MAP2K5: variants seen among roughly 807,000 people sequenced by gnomAD.
MAP2K5 encodes dual specificity mitogen-activated protein kinase kinase 5.
A neutral mutation model predicts 83.1 loss-of-function variants in MAP2K5; 49 were observed. The observed-to-expected ratio is 0.59, with a 90% CI of 0.47 to 0.75. MAP2K5 has a LOEUF of 0.75. Ranked by LOEUF, MAP2K5 falls within the 30% of genes least tolerant of loss-of-function variation. MAP2K5 has a pLI of 0.00. For missense variants in MAP2K5, 457 were observed against 557.5 expected, an observed-to-expected ratio of 0.82 and a Z score of 1.82; for synonymous variants, 202 against 191.8, an observed-to-expected ratio of 1.05 and a Z score of -0.44.
At chr15:67,560,974 C>A (rs576797158) in intron 2 of MAP2K5, among the ~76,000 whole-genome samples, 1 of 152,192 alleles carries the variant, frequency 6.6e-6, no homozygotes, top group South Asian at 2.1e-4. Flanking sequence ...AGCACTTGCC[C>A]ATCCTATGTG....
rs1167948710 is a variant in MAP2K5 at position 67,775,932 on chromosome 15, G to A, written c.1242+3180G>A. 6.6e-6 allele frequency among the ~76,000 whole-genome samples: 1 copy of A among 152,118 alleles called. No homozygotes were observed. The highest frequency in any genetic ancestry group is 1.5e-5 in the Non-Finnish European group (1 of 68,018). On this transcript the variant is annotated intron_variant, in intron 21 of 21. Coordinates refer to ENST00000178640, the MANE Select transcript of MAP2K5 (RefSeq NM_145160.3). This position sits in a 1 kb window ranked among gnomAD's most constrained non-coding sequence, Gnocchi z 5.3. ...AGGCAACATATTCACCACCAGCTGGGCAATCTCTTAAGACATTCCACTTCT... is the reference window on the plus strand; with the variant it reads ...AGGCAACATATTCACCACCAGCTGGACAATCTCTTAAGACATTCCACTTCT...
In MAP2K5 at chr15:67,573,397, G is replaced by A. The variant is rs1191420286; in HGVS notation, c.253-7357G>A. On this transcript the variant is annotated intron_variant, in intron 3 of 21. Transcript: ENST00000178640. The surrounding 1 kb of genome is among the most constrained non-coding windows in gnomAD (Gnocchi z 4.2). ...ACAGGGTGGCAGGAGAGACAGTTGG[G>A]TAGAGGGTGGGGCGGGAGTTGCCAC... Among the ~76,000 whole-genome samples the A allele has an allele frequency of 6.6e-6, 1 of 152,126 alleles. No individual in the cohort carries two copies. The highest frequency in any genetic ancestry group is 1.9e-4 in the East Asian group (1 of 5,194).
chr15:67,604,509 C>A (rs1376228003), intron 8 of MAP2K5, among the ~76,000 whole-genome samples: 2 of 152,142 alleles, frequency 1.3e-5, no homozygotes, highest in Non-Finnish European at 2.9e-5. Flanking sequence ...AAGTTTGAAT[C>A]CTGCCTCTGT....
chr15:67,715,992 A>G (rs1386743102), intron 16 of MAP2K5, among the ~76,000 whole-genome samples: 1 of 152,186 alleles, frequency 6.6e-6, no homozygotes, highest in African/African-American at 2.4e-5. Flanking sequence ...AGACACAGAT[A>G]TAAGGTTAGA....
At chr15:67,589,106 AG>A (rs1479976596) in intron 6 of MAP2K5, among the ~76,000 whole-genome samples, 1 of 152,180 alleles carries the variant, frequency 6.6e-6, no homozygotes, top group East Asian at 1.9e-4. Context: ...GGCCTCCCAA[AG>A]GGTTGTGATT....
intron 3 of MAP2K5, among the ~76,000 whole-genome samples, chr15:67,567,851 T>C (rs966594047): frequency 3.3e-5 from 5 of 152,214 alleles, no homozygotes; most frequent in Non-Finnish European, 5.9e-5. Context: ...AGCGTGCTGC[T>C]TTTTTCCTTC....
intron 19 of MAP2K5, among the ~76,000 whole-genome samples, chr15:67,754,079 A>G (rs1407128655): frequency 6.6e-6 from 1 of 152,244 alleles, no homozygotes; most frequent in Non-Finnish European, 1.5e-5. Context: ...TGAAATGTCC[A>G]CAATAGGGAA....
At chr15:67,635,188 CTTTT>C (rs35373677) in intron 9 of MAP2K5, among the ~76,000 whole-genome samples, 1 of 141,676 alleles carries the variant, frequency 7.1e-6, no homozygotes. Context: ...AGATATTTAT[CTTTT>C]TTTTTTTTTT....
chr15:67,737,034 T>C (rs568913565), intron 17 of MAP2K5, among the ~76,000 whole-genome samples: 1 of 152,328 alleles, frequency 6.6e-6, no homozygotes, highest in South Asian at 2.1e-4. Context: ...CCACTCACAG[T>C]GCAGTGGTCT....
rs2090358608 is a variant in MAP2K5 at position 67,783,189 on chromosome 15, G to A, written c.1242+10437G>A. Reference sequence around the variant, plus strand: ...CATCCTGCCTGACACCGAGGAGGCAGCATGTCAGCCCCAAGTCCTGACCCC... The same window carrying A: ...CATCCTGCCTGACACCGAGGAGGCAACATGTCAGCCCCAAGTCCTGACCCC... On this transcript the variant is annotated intron_variant, in intron 21 of 21. Coordinates refer to ENST00000178640, the MANE Select transcript of MAP2K5 (RefSeq NM_145160.3). This position sits in a 1 kb window ranked among gnomAD's most constrained non-coding sequence, Gnocchi z 5.1. Among the ~76,000 whole-genome samples, 1 of 152,206 alleles carries A rather than the reference G, an allele frequency of 6.6e-6. No homozygotes were observed. The highest frequency in any genetic ancestry group is 1.5e-5 in the Non-Finnish European group (1 of 68,034).
In MAP2K5 at chr15:67,736,555, A is replaced by T. The variant is rs1170780899; in HGVS notation, c.1074+8610A>T. Among the ~76,000 whole-genome samples, 1 of 152,200 alleles carries T rather than the reference A, an allele frequency of 6.6e-6. No individual in the cohort carries two copies. The highest frequency in any genetic ancestry group is 1.5e-5 in the Non-Finnish European group (1 of 68,030). On this transcript the variant is annotated intron_variant, in intron 17 of 21. Coordinates refer to ENST00000178640, the MANE Select transcript of MAP2K5 (RefSeq NM_145160.3). The surrounding 1 kb of genome is among the most constrained non-coding windows in gnomAD (Gnocchi z 4.3). ...TCTCACACCAGGTAGGACTAAAATG[A>T]ATTATTTTTCTGATCCCACAAGAGC...
chr15:67,575,920 T>TG (rs1596583257), intron 3 of MAP2K5, among the ~76,000 whole-genome samples: 128 of 126,166 alleles, frequency 1.0e-3, no homozygotes, highest in African/African-American at 3.0e-3. Flanking sequence ...TTCTTTCTTT[T>TG]TTTTTTTTTT....
intron 7 of MAP2K5, among the ~76,000 whole-genome samples, chr15:67,596,355 G>A (rs556279138): frequency 3.0e-4 from 45 of 152,108 alleles, no homozygotes; most frequent in Non-Finnish European, 4.6e-4. Flanking sequence ...CAGAGGTTGC[G>A]GTGAGCCAAG....
chr15:67,743,182 G>T (rs924329741), intron 17 of MAP2K5, among the ~76,000 whole-genome samples: 2 of 152,206 alleles, frequency 1.3e-5, no homozygotes, highest in African/African-American at 2.4e-5. Context: ...CCTGAATACA[G>T]CACCCCAGCT....
chr15:67,642,152 T>A (rs1367882899), intron 9 of MAP2K5, among the ~76,000 whole-genome samples: 2 of 152,236 alleles, frequency 1.3e-5, no homozygotes, highest in Admixed American at 6.5e-5. Flanking sequence ...TAGGTCAGTG[T>A]GGCATTTTTA....
chr15:67,729,353 A>C (rs1374401533), intron 17 of MAP2K5, among the ~76,000 whole-genome samples: 2 of 152,228 alleles, frequency 1.3e-5, no homozygotes, highest in African/African-American at 2.4e-5. Context: ...AACAAATCTT[A>C]GTAGAAAACT....
chr15:67,675,790 T>C (rs1054303715), intron 13 of MAP2K5, among the ~76,000 whole-genome samples: 1 of 152,210 alleles, frequency 6.6e-6, no homozygotes, highest in Non-Finnish European at 1.5e-5. Context: ...TTAGTTTTTC[T>C]CTCTCCCATG....
At chr15:67,593,187 A>G (rs1443928003) in intron 7 of MAP2K5, among the ~76,000 whole-genome samples, 1 of 152,242 alleles carries the variant, frequency 6.6e-6, no homozygotes, top group Non-Finnish European at 1.5e-5. Context: ...TACCATGCAC[A>G]CACCCTGCTG....
At chr15:67,624,812 G>A (rs2086279537) in intron 8 of MAP2K5, among the ~76,000 whole-genome samples, 1 of 151,902 alleles carries the variant, frequency 6.6e-6, no homozygotes, top group African/African-American at 2.4e-5. Context: ...TGTATTTTTA[G>A]TAGAGATGGG....
Sources: gnomAD v4.1 joint callset for allele counts (sites outside exome capture counted in the v4.1 genomes callset) on GRCh38, gnomAD v4.1.1 for gene constraint, Gnocchi (gnomAD v3.1) non-coding constraint, MANE v1.5 for transcripts, NCBI Gene and HGNC (gene_info 2026-07-23, HGNC 2026-07-21) for gene names.